The following MSR1 variants were observed in gnomAD, a reference collection of about 807,000 sequenced individuals.
MSR1 encodes macrophage scavenger receptor 1.
In MSR1, 53 loss-of-function variants were observed where a neutral mutation model predicts 47.2. The observed-to-expected ratio is 1.12, with a 90% confidence interval of 0.90 to 1.41. The LOEUF (loss-of-function observed/expected upper bound fraction) is 1.41. MSR1 is among the 40% of genes most tolerant of loss of function. The probability of loss-of-function intolerance (pLI) is 0.00; values close to 1 mark genes in which losing one functional copy is unlikely to be tolerated. For synonymous variants in MSR1, 239 were observed against 185.6 expected, an observed-to-expected ratio of 1.29 and a Z score of -2.34; for missense variants, 786 against 546.9, an observed-to-expected ratio of 1.44 and a Z score of -4.36.
At chr8:16,150,136 G>GTATATATATATATATATATA (rs1337193490) in intron 7 of MSR1, 95 bp downstream of exon 7, 2 of 190,200 alleles carry the variant, frequency 1.1e-5, no homozygotes, top group African/African-American at 9.4e-5. Context: ...GTATGTGTGT[G>GTATATATATATATATATATA]TGTGTATATA....
Position 16,189,618 on chromosome 8 carries a change from A to ATATATATTTGATATATATTTTT in MSR1, c.-5+2979_-5+2980insAAAAATATATATCAAATATATA, listed in dbSNP as rs1802128381. On this transcript the variant is annotated intron_variant, in intron 1 of 9. Coordinates refer to ENST00000262101, the MANE Select transcript of MSR1 (RefSeq NM_138715.3). ...TTATATATATATAAAATCTTATTTT[A>ATATATATTTGATATATATTTTT]TATATATTTTATATATATATAAAAT... is the stretch of plus-strand genomic sequence containing the variant. Among the ~76,000 whole-genome samples, 24 of 39,016 alleles carry ATATATATTTGATATATATTTTT rather than the reference A, an allele frequency of 6.2e-4. 11 individuals carry two copies. Among genetic ancestry groups the ATATATATTTGATATATATTTTT allele is most frequent in the Non-Finnish European group, 7.6e-4 (20 of 26,472 alleles). The allele number at this position is 39,016 out of a possible 152,430, so 25.6% of individuals were successfully genotyped here.
chr8:16,120,724 A>C (rs1799984891), intron 8 of MSR1, 118 bp from the exon 9 acceptor site: 1 of 1,230,564 alleles, frequency 8.1e-7, no homozygotes, highest in Admixed American at 2.7e-5. Flanking sequence ...CATTTTCCAA[A>C]TAACTTCAAC....
chr8:16,159,932 G>A (rs1801116815), intron 5 of MSR1, among the ~76,000 whole-genome samples: 1 of 151,878 alleles, frequency 6.6e-6, no homozygotes, highest in East Asian at 1.9e-4. Flanking sequence ...TCAAATAAAG[G>A]AAAAGACATG....
chr8:16,173,905 T>A (rs1801563621), intron 3 of MSR1, among the ~76,000 whole-genome samples: 1 of 152,168 alleles, frequency 6.6e-6, no homozygotes, highest in South Asian at 2.1e-4. Context: ...CGCCTCGGCC[T>A]CCCAAAGTGC....
At chr8:16,137,336 T>C (rs7839702) in intron 8 of MSR1, among the ~76,000 whole-genome samples, 5,451 of 152,232 alleles carry the variant, frequency 0.036, 168 homozygotes, top group South Asian at 0.093. Flanking sequence ...TGGAATTTGA[T>C]CTGCCGTAAG....
chr8:16,169,065 C>T (rs1801408008), intron 3 of MSR1, among the ~76,000 whole-genome samples, 195 bp from the exon 4 acceptor site: 1 of 152,044 alleles, frequency 6.6e-6, no homozygotes, highest in African/African-American at 2.4e-5. Context: ...AGCATACATT[C>T]TCCCTTTCCT....
chr8:16,183,776 TTA>T (rs1465300295), intron 1 of MSR1, among the ~76,000 whole-genome samples: 1 of 143,570 alleles, frequency 7.0e-6, no homozygotes, highest in Non-Finnish European at 1.5e-5. Context: ...GTAATTTATA[TTA>T]TGTTAATATA....
At chr8:16,173,101 T>C (rs1801535866) in intron 3 of MSR1, among the ~76,000 whole-genome samples, 1 of 152,256 alleles carries the variant, frequency 6.6e-6, no homozygotes, top group Non-Finnish European at 1.5e-5. Flanking sequence ...TGTGTACTTA[T>C]AAAATTTGAA....
intron 3 of MSR1, among the ~76,000 whole-genome samples, chr8:16,169,523 A>G (rs923832782): frequency 2.0e-5 from 3 of 152,174 alleles, no homozygotes; most frequent in African/African-American, 7.2e-5. Flanking sequence ...ATTATAAAAT[A>G]TATATTCACA....
At chr8:16,186,140 G>C in intron 1 of MSR1, 10 of 1,528,112 alleles carry the variant, frequency 6.5e-6, no homozygotes, top group Non-Finnish European at 8.8e-6. Context: ...GTGCATAAAT[G>C]AAAGTTGTTC....
chr8:16,172,761 CTTCT>C (rs1239977223), intron 3 of MSR1, among the ~76,000 whole-genome samples: 3 of 151,984 alleles, frequency 2.0e-5, no homozygotes, highest in Non-Finnish European at 4.4e-5. Flanking sequence ...ATTTCAGCAG[CTTCT>C]TTAAGAAAAG....
Position 16,120,544 on chromosome 8 carries a change from G to A in MSR1, c.1096C>T (p.Leu366Phe), listed in dbSNP as rs769523848. ...SGPHEGRVEI[L>F]HSGQWGTICD... The stretch of plus-strand genomic sequence containing the variant: ...ATTGTACCCCACTGGCCGCTGTGGA[G>A]TATCTCCACCCTCCCCTCGTGAGGG... The change falls in exon 9 of 10, where the codon CTC becomes TTC. Residue 366 changes from leucine (L) to phenylalanine (F), a missense_variant. Physicochemically the swap from Leu to Phe is conservative, Grantham distance 22 (BLOSUM62 0). Coordinates refer to ENST00000262101, the MANE Select transcript of MSR1 (RefSeq NM_138715.3). 6.3e-7 allele frequency: 1 copy of A among 1,596,050 alleles called. No individual in the cohort carries two copies. The highest frequency in any genetic ancestry group is 8.5e-7 in the Non-Finnish European group (1 of 1,171,634).
intron 1 of MSR1, among the ~76,000 whole-genome samples, chr8:16,191,595 T>C (rs1802201212): frequency 1.3e-5 from 2 of 152,072 alleles, no homozygotes; most frequent in East Asian, 1.9e-4. Flanking sequence ...ATTTTCTCCA[T>C]TTTACAGGTT....
rs929689746 is a variant in MSR1 at position 16,143,145 on chromosome 8, G to T, written c.1033+413C>A. 2.0e-5 allele frequency among the ~76,000 whole-genome samples: 3 copies of T among 152,044 alleles called. No homozygotes were observed. The South Asian group carries it at 6.2e-4, about 31-fold the overall frequency. ...TTAGAAAAATAAACGAAGAGCCCCA[G>T]ACATCAGATAGTTAATTTTTCAGGG... On this transcript the variant is annotated intron_variant, in intron 8 of 9. Coordinates refer to ENST00000262101, the MANE Select transcript of MSR1 (RefSeq NM_138715.3).
chr8:16,181,994 T>C (rs431212), intron 1 of MSR1, among the ~76,000 whole-genome samples: 34,248 of 152,066 alleles, frequency 0.23, 5,088 homozygotes, highest in East Asian at 0.54. Context: ...GTCAATTTCA[T>C]GGCTGTGTGA....
intron 5 of MSR1, among the ~76,000 whole-genome samples, chr8:16,163,285 A>C (rs900289355): frequency 2.0e-5 from 3 of 151,652 alleles, no homozygotes; most frequent in Non-Finnish European, 2.9e-5. Flanking sequence ...ATACAGTGCA[A>C]AGAGATGGTC....
chr8:16,112,449 T>C (rs1361799506), intron 9 of MSR1, among the ~76,000 whole-genome samples: 1 of 152,118 alleles, frequency 6.6e-6, no homozygotes, highest in African/African-American at 2.4e-5. Flanking sequence ...GTTACATAGA[T>C]GTCTAGATAG....
At chr8:16,143,474 C>A in intron 8 of MSR1, 84 bp downstream of exon 8, 1 of 1,254,854 alleles carries the variant, frequency 8.0e-7, no homozygotes, top group Non-Finnish European at 1.2e-6. Context: ...AAGTTGCGAA[C>A]ATTTGCCTCA....
chr8:16,140,002 AATTAGCTCTG>A, intron 8 of MSR1: 1 of 609,860 alleles, frequency 1.6e-6, no homozygotes, highest in Non-Finnish European at 2.0e-6. Flanking sequence ...TCTTAGGGAC[AATTAGCTCTG>A]TAAAACCAGA....
Sources: gnomAD v4.1 joint callset for allele counts (sites outside exome capture counted in the v4.1 genomes callset) on GRCh38, gnomAD v4.1.1 for gene constraint, MANE v1.5 for transcripts, NCBI Gene and HGNC (gene_info 2026-07-23, HGNC 2026-07-21) for gene names.